C12orf56: variants seen among roughly 807,000 people sequenced by gnomAD.
The protein encoded by C12orf56 is uncharacterized protein C12orf56.
Under a neutral mutation model 69.9 loss-of-function variants are expected in C12orf56, and 71 were observed. The observed-to-expected ratio is 1.02, with a 90% CI of 0.84 to 1.24. The LOEUF is 1.24. C12orf56 is among the 50% of genes most tolerant of loss of function. The pLI is 0.00. For missense variants in C12orf56, 732 were observed against 738.5 expected (o/e 0.99, Z 0.10); for synonymous variants, 276 against 274.1 (o/e 1.01, Z -0.07).
chr12:64,295,883 T>G (rs999277694), intron 6 of C12orf56, among the ~76,000 whole-genome samples: 2 of 151,844 alleles, frequency 1.3e-5, no homozygotes, highest in African/African-American at 4.8e-5. Flanking sequence ...ATATGTACAT[T>G]ATATATGTGT....
At chr12:64,360,098 A>G (rs1255043172) in intron 1 of C12orf56, among the ~76,000 whole-genome samples, 1 of 151,908 alleles carries the variant, frequency 6.6e-6, no homozygotes, top group Non-Finnish European at 1.5e-5. Context: ...TGAAAGAAAT[A>G]TTTTTTTGCT....
chr12:64,328,625 A>G (rs1282339465), intron 3 of C12orf56, among the ~76,000 whole-genome samples: 1 of 140,718 alleles, frequency 7.1e-6, no homozygotes, highest in African/African-American at 2.7e-5. Flanking sequence ...GGTTGCAGTG[A>G]GCCAAAATCG....
rs1300740743 is a variant in C12orf56 at position 64,312,662 on chromosome 12, A to G, written c.968+17T>C. 1 of 1,515,882 alleles carries G rather than the reference A, an allele frequency of 6.6e-7. No homozygotes were observed. Among genetic ancestry groups the G allele is most frequent in the East Asian group, 2.5e-5 (1 of 40,798 alleles). The allele number at this position is 1,515,882 out of a possible 1,614,324, so 93.9% of individuals were successfully genotyped here. ...AAAATTCCCCATGCAACTCTATCATACATCATCACTTCTTACCTATATGGC... is the reference window on the plus strand; with the variant it reads ...AAAATTCCCCATGCAACTCTATCATGCATCATCACTTCTTACCTATATGGC... On this transcript the variant is annotated intron_variant, in intron 5 of 12. Transcript: ENST00000543942.
At chr12:64,353,293 G>A (rs1019276573) in intron 1 of C12orf56, among the ~76,000 whole-genome samples, 1 of 151,580 alleles carries the variant, frequency 6.6e-6, no homozygotes, top group Admixed American at 6.6e-5. Context: ...GAGTAGCTGG[G>A]ATTACAGACA....
At position 64,303,676 on chromosome 12, in the gene C12orf56, C is replaced by T; in HGVS notation, c.1072G>A (p.Ala358Thr). 1 of 1,571,770 alleles carries T rather than the reference C, an allele frequency of 6.4e-7. No homozygotes were observed. The highest frequency in any genetic ancestry group is 2.3e-5 in the East Asian group (1 of 43,556). Residue 358 changes from alanine (A) to threonine (T), a missense_variant, in exon 6 of 13, where the codon GCA becomes ACA. Ala to Thr is a moderately conservative substitution (Grantham distance 58). Transcript: ENST00000543942. The stretch of plus-strand genomic sequence containing the variant: ...TTCAGAATGAAGTTTTTCTGGGCTG[C>T]TACTTTAAGTTCCATAAGTAAAGAA... ...ILSLLMELKV[A>T]AQKNFILKRL... is the part of the protein sequence containing the mutation.
rs1169647482 is a variant in C12orf56, at chr12:64,303,717, G to T, written c.1031C>A (p.Ser344Tyr). ...LKSELFLKDN[S>Y]LRRILSLLME... ...AAGTAAAGAAAGTATCCTCCTCAAA[G>T]AATTGTCTTTAAGAAAAAGTTCAGA... The change falls in exon 6 of 13, where the codon TCT becomes TAT. Residue 344 changes from serine to tyrosine, a missense_variant. Transcript: ENST00000543942. 1 of 1,582,378 alleles carries T rather than the reference G, an allele frequency of 6.3e-7. No individual in the cohort carries two copies. Among genetic ancestry groups the T allele is most frequent in the Non-Finnish European group, 8.6e-7 (1 of 1,164,320 alleles).
intron 1 of C12orf56, among the ~76,000 whole-genome samples, chr12:64,372,121 AT>A (rs1046351418): frequency 6.6e-6 from 1 of 151,912 alleles, no homozygotes; most frequent in African/African-American, 2.4e-5. Flanking sequence ...TGTTCTAAGC[AT>A]TTTTTGTACA....
chr12:64,328,447 G>A (rs561516862), intron 3 of C12orf56, among the ~76,000 whole-genome samples: 2 of 151,756 alleles, frequency 1.3e-5, no homozygotes, highest in African/African-American at 4.8e-5. Context: ...TTGGGAGGCC[G>A]AGGCAGACAA....
At chr12:64,313,273 AAAAAGAAAGAAAGAAAG>A (rs1295096945) in intron 4 of C12orf56, among the ~76,000 whole-genome samples, 8 of 136,840 alleles carry the variant, frequency 5.8e-5, no homozygotes, top group African/African-American at 2.1e-4. Context: ...AAAAAAAAAA[AAAAAGAAAGAAAGAAAG>A]AAAGAAAGAA....
chr12:64,293,127 G>C (rs11175325), intron 6 of C12orf56, among the ~76,000 whole-genome samples: 5 of 152,098 alleles, frequency 3.3e-5, no homozygotes, highest in African/African-American at 1.2e-4. Context: ...AGGTGCGTCC[G>C]TCACCCCTTT....
intron 1 of C12orf56, among the ~76,000 whole-genome samples, chr12:64,375,635 G>A (rs751914659): frequency 7.9e-4 from 120 of 152,138 alleles, no homozygotes; most frequent in Admixed American, 1.4e-3. Context: ...AATCATCAAA[G>A]CTGATCCTCT....
intron 2 of C12orf56, chr12:64,338,152 G>C (rs1193032951): frequency 1.8e-6 from 1 of 558,540 alleles, no homozygotes; most frequent in Non-Finnish European, 3.5e-6. Flanking sequence ...AGCTGAGGAC[G>C]AGCTCCACCT....
Position 64,330,978 on chromosome 12 carries a change from A to C in C12orf56, c.470T>G (p.Leu157Arg), listed in dbSNP as rs768626423. Residue 157 changes from leucine to arginine, a missense_variant, in exon 3 of 13, where the codon CTG becomes CGG. By Grantham distance (102) the Leu-to-Arg change is moderately radical (BLOSUM62 -2). Transcript: ENST00000543942. ...ATCTCACCTGAGAGGAGATTCTTTC[A>C]GACTTCTGGACTCTTTGCTTCTCCA... ...AFWRSKESRS[L>R]KESPLRDQQE... The C allele has an allele frequency of 5.1e-6, 8 of 1,555,932 alleles. No homozygotes were observed. In the South Asian group the frequency reaches 9.6e-5, roughly 19 times the overall value.
chr12:64,323,379 T>G (rs2038796269), intron 3 of C12orf56, among the ~76,000 whole-genome samples: 1 of 152,186 alleles, frequency 6.6e-6, no homozygotes, highest in Non-Finnish European at 1.5e-5. Flanking sequence ...GACAGAGAGA[T>G]CTCTGTCTGT....
At chr12:64,287,258 A>AGAAGAAGAAGAAGAAGAAGAAGAAGAAG (rs566773723) in intron 6 of C12orf56, among the ~76,000 whole-genome samples, 93 of 132,210 alleles carry the variant, frequency 7.0e-4, no homozygotes, top group African/African-American at 2.4e-3. Context: ...AAAAAAAAAA[A>AGAAGAAGAAGAAGAAGAAGAAGAAGAAG]AAAAAGAAGA....
chr12:64,348,934 C>T (rs61931520), intron 2 of C12orf56, among the ~76,000 whole-genome samples: 43,334 of 152,016 alleles, frequency 0.29, 6,436 homozygotes, highest in Admixed American at 0.37. Context: ...GAATTGTCCA[C>T]AAATATCAAG....
chr12:64,335,529 C>T (rs74647970), intron 2 of C12orf56, among the ~76,000 whole-genome samples: 1 of 151,680 alleles, frequency 6.6e-6, no homozygotes, highest in Non-Finnish European at 1.5e-5. Context: ...TCTTTCATCT[C>T]AATGTGAAAA....
chr12:64,304,349 G>A (rs1459639553), intron 5 of C12orf56, among the ~76,000 whole-genome samples: 1 of 152,132 alleles, frequency 6.6e-6, no homozygotes, highest in Non-Finnish European at 1.5e-5. Flanking sequence ...CTGGAAAAAG[G>A]AATCACATAT....
chr12:64,274,632 T>G (rs1219743054), intron 11 of C12orf56, among the ~76,000 whole-genome samples: 2 of 152,356 alleles, frequency 1.3e-5, no homozygotes, highest in East Asian at 3.8e-4. Context: ...ATACAGCTAA[T>G]AATTTAATAT....
Sources: allele counts gnomAD v4.1 joint callset (sites outside exome capture counted in the v4.1 genomes callset), GRCh38; gene constraint gnomAD v4.1.1; transcripts MANE v1.5; gene names NCBI Gene and HGNC (gene_info 2026-07-23, HGNC 2026-07-21).